Variants in ZDHHC13 observed in about 807,000 individuals in gnomAD.
The protein encoded by ZDHHC13 is palmitoyltransferase ZDHHC13.
ZDHHC13 carries 85 observed loss-of-function variants against 86.0 expected under a neutral mutation model. The observed-to-expected ratio is 0.99, with a 90% CI of 0.83 to 1.18. The LOEUF (loss-of-function observed/expected upper bound fraction) is 1.18. Ranked by LOEUF, ZDHHC13 falls within the 50% of genes most tolerant of loss-of-function variation. The pLI is 0.00. For synonymous variants in ZDHHC13, 263 were observed against 246.4 expected (o/e 1.07, Z -0.63); for missense variants, 711 against 730.2 (o/e 0.97, Z 0.30).
rs1193570931 is a variant in ZDHHC13 at position 19,176,100 on chromosome 11, G to A, written c.*140G>A. The A allele has an allele frequency of 1.7e-5, 16 of 937,292 alleles. No individual in the cohort carries two copies. The highest frequency in any genetic ancestry group is 2.4e-5 in the Non-Finnish European group (16 of 680,550). 58.1% of individuals were successfully genotyped at this position (937,292 alleles called of 1,614,324 possible). A position where few individuals can be genotyped will look rare whatever the true frequency, so the allele number is the denominator to read the frequency against. On this transcript the variant is annotated 3_prime_UTR_variant, in exon 17 of 17. Transcript: ENST00000446113. The stretch of plus-strand genomic sequence containing the variant: ...TTTTTAAAGCCATTAGGTAAAAAAA[G>A]TTCTCAATAAAGGCATTACAATTTT...
chr11:19,133,938 T>C (rs1167700525), intron 1 of ZDHHC13, among the ~76,000 whole-genome samples: 3 of 100,252 alleles, frequency 3.0e-5, no homozygotes, highest in Non-Finnish European at 5.0e-5. Context: ...TATATATATA[T>C]ATATACACGT....
rs941190501 is a variant in ZDHHC13, at chr11:19,174,533, C to T, written c.1731-1289C>T. On this transcript the variant is annotated intron_variant, in intron 16 of 16. Transcript: ENST00000446113. ...CAGAACACAATCTTCTAAACAGCAA[C>T]GCAGTCATCCTCATGGACAGGTGTG... is the stretch of plus-strand genomic sequence containing the variant. Among the ~76,000 whole-genome samples, 10 of 152,350 alleles carry T rather than the reference C, an allele frequency of 6.6e-5. No individual in the cohort carries two copies. The South Asian group carries it at 1.0e-3, about 16-fold the overall frequency.
chr11:19,130,149 T>C (rs1041022622), intron 1 of ZDHHC13, among the ~76,000 whole-genome samples: 4 of 152,142 alleles, frequency 2.6e-5, no homozygotes, highest in Non-Finnish European at 4.4e-5. Context: ...GTATCATTTC[T>C]TCCTTAGATA....
chr11:19,158,376 T>C (rs1590084609), intron 9 of ZDHHC13, among the ~76,000 whole-genome samples: 3 of 152,100 alleles, frequency 2.0e-5, no homozygotes, highest in African/African-American at 7.2e-5. Context: ...CCAAGTGAGA[T>C]TGTTAGTGTT....
chr11:19,163,414 A>G lies in ZDHHC13; in HGVS notation c.1220A>G (p.Glu407Gly), dbSNP rs767511163. 2 of 1,589,264 alleles carry G rather than the reference A, an allele frequency of 1.3e-6. No individual in the cohort carries two copies. Among genetic ancestry groups the G allele is most frequent in the Non-Finnish European group, 1.7e-6 (2 of 1,172,390 alleles). Reference sequence around the variant, plus strand: ...CCAGGCTTCACTAAGGCTTCTGAAGAAGAAAAGAAAGTGGTGAGATTTCTT... The same window carrying G: ...CCAGGCTTCACTAAGGCTTCTGAAGGAGAAAAGAAAGTGGTGAGATTTCTT... ...TDPGFTKASE[E>G]EKKVNIITLA... is the part of the protein sequence containing the mutation. The change falls in exon 11 of 17, where the codon GAA becomes GGA. Residue 407 changes from glutamate (E) to glycine (G), a missense_variant. Glu to Gly is a moderately conservative substitution (Grantham distance 98, BLOSUM62 -2). Transcript: ENST00000446113.
intron 10 of ZDHHC13, among the ~76,000 whole-genome samples, chr11:19,161,217 A>G (rs527668268): frequency 6.6e-5 from 10 of 152,132 alleles, no homozygotes; most frequent in African/African-American, 2.4e-4. Flanking sequence ...TTAGGGGAAG[A>G]CATTCTGGGG....
At chr11:19,124,762 T>G (rs75602287) in intron 1 of ZDHHC13, among the ~76,000 whole-genome samples, 14,648 of 150,858 alleles carry the variant, frequency 0.097, 958 homozygotes, top group Non-Finnish European at 0.13. Context: ...TGCGTGTGTG[T>G]GGGGGGGTAC....
At chr11:19,156,018 T>A in intron 9 of ZDHHC13, 89 bp downstream of exon 9, 1 of 1,431,606 alleles carries the variant, frequency 7.0e-7, no homozygotes, top group Non-Finnish European at 9.2e-7. Context: ...TCACAGATTT[T>A]TATCATGCTG....
intron 1 of ZDHHC13, chr11:19,118,615 G>T (rs955906566): frequency 1.3e-5 from 2 of 152,264 alleles, no homozygotes; most frequent in African/African-American, 4.8e-5. Flanking sequence ...CCTTGTCCCA[G>T]TTCCATGGCC....
chr11:19,119,046 C>T (rs572434959), intron 1 of ZDHHC13, among the ~76,000 whole-genome samples: 15 of 152,356 alleles, frequency 9.8e-5, no homozygotes, highest in African/African-American at 3.1e-4. Flanking sequence ...ATTCCAAGAT[C>T]GGTGCTGTTG....
chr11:19,156,279 A>T lies in ZDHHC13; in HGVS notation c.1007+350A>T, dbSNP rs114318239. Among the ~76,000 whole-genome samples, 1,043 of 152,132 alleles carry T rather than the reference A, an allele frequency of 6.9e-3. 9 individuals are homozygous for T. Among genetic ancestry groups the T allele is most frequent in the African/African-American group, 0.024 (984 of 41,500 alleles). ...GAAGCATTTTTGCTCATTTTTCAGA[A>T]ATTTTTTCCTTTTTCTAAATTTATT... On this transcript the variant is annotated intron_variant, in intron 9 of 16. Transcript: ENST00000446113.
chr11:19,166,157 TTAATGGTACTTAAAAGCAAAGC>T, intron 13 of ZDHHC13, 123 bp from the exon 14 acceptor site: 1 of 642,080 alleles, frequency 1.6e-6, no homozygotes, highest in Middle Eastern at 4.3e-4. Flanking sequence ...GTGGTTTGAT[TTAATGGTACTTAAAAGCAAAGC>T]AACAGCTTTA....
intron 1 of ZDHHC13, 148 bp from the exon 2 acceptor site, chr11:19,142,830 G>A (rs1437554015): frequency 1.2e-6 from 1 of 846,478 alleles, no homozygotes; most frequent in Non-Finnish European, 1.7e-6. Flanking sequence ...CGCCTCCTGG[G>A]TTCAAGTCAT....
intron 16 of ZDHHC13, among the ~76,000 whole-genome samples, chr11:19,173,256 C>T (rs1274564809): frequency 6.6e-6 from 1 of 152,196 alleles, no homozygotes; most frequent in Non-Finnish European, 1.5e-5. Context: ...ATTCTTCTAG[C>T]CCTATGTTGA....
In ZDHHC13 at chr11:19,155,901, C is replaced by A. The variant is rs1297614785; in HGVS notation, c.979C>A (p.Leu327Met). 1.2e-6 allele frequency: 2 copies of A among 1,609,494 alleles called. No individual in the cohort carries two copies. Among genetic ancestry groups the A allele is most frequent in the African/African-American group, 1.3e-5 (1 of 74,620 alleles). Residue 327 changes from leucine to methionine, a missense_variant, in exon 9 of 17, where the codon CTG becomes ATG. Physicochemically the swap from Leu to Met is conservative, Grantham distance 15. Coordinates refer to ENST00000446113, the MANE Select transcript of ZDHHC13 (RefSeq NM_019028.3). ...TTTAAAAGGATGTCTTCTAGTAACA[C>A]TGTTTTTTCTGACATCTTTGTTTCC... ...WLLKGCLLVT[L>M]FFLTSLFPRF...
chr11:19,135,377 C>T (rs879859232), intron 1 of ZDHHC13, among the ~76,000 whole-genome samples: 54 of 152,214 alleles, frequency 3.5e-4, no homozygotes, highest in Non-Finnish European at 4.7e-4. Flanking sequence ...GCTTAAAAAA[C>T]GGCGCACCAG....
chr11:19,159,936 T>C, intron 10 of ZDHHC13, among the ~76,000 whole-genome samples: 1 of 151,922 alleles, frequency 6.6e-6, no homozygotes. Flanking sequence ...CTTGCTTTGC[T>C]TATGGAGTAG....
chr11:19,125,486 G>GT (rs1445003312), intron 1 of ZDHHC13, among the ~76,000 whole-genome samples: 1 of 152,162 alleles, frequency 6.6e-6, no homozygotes, highest in African/African-American at 2.4e-5. Context: ...CAGAACAATT[G>GT]TAACTCTCAT....
At chr11:19,130,122 G>A (rs1276234379) in intron 1 of ZDHHC13, among the ~76,000 whole-genome samples, 1 of 152,036 alleles carries the variant, frequency 6.6e-6, no homozygotes, top group African/African-American at 2.4e-5. Flanking sequence ...TCTCTCTTCT[G>A]TTTTCTGAAG....
Sources: allele counts gnomAD v4.1 joint callset (sites outside exome capture counted in the v4.1 genomes callset), GRCh38; gene constraint gnomAD v4.1.1; transcripts MANE v1.5; gene names NCBI Gene and HGNC (gene_info 2026-07-23, HGNC 2026-07-21).